SWAP70: variants seen among roughly 807,000 people sequenced by gnomAD.
SWAP70 encodes the protein switching B cell complex subunit SWAP70, also known as switch-associated protein 70.
In SWAP70, 34 loss-of-function variants were observed where a neutral mutation model predicts 80.2. That is an observed-to-expected ratio of 0.42 (90% CI 0.32 to 0.56). The LOEUF (loss-of-function observed/expected upper bound fraction) is 0.56, where lower values mean the gene tolerates loss of function less well. Among genes scored for constraint, SWAP70 ranks in the 20% least tolerant of loss-of-function variants. SWAP70 has a pLI of 0.09. For missense variants in SWAP70, 578 were observed against 690.7 expected (o/e 0.84, Z 1.83); for synonymous variants, 239 against 238.5 (o/e 1.00, Z -0.02).
At chr11:9,682,619 A>G (rs1850581396) in intron 1 of SWAP70, among the ~76,000 whole-genome samples, 1 of 152,214 alleles carries the variant, frequency 6.6e-6, no homozygotes, top group African/African-American at 2.4e-5. Flanking sequence ...ATAAAATATA[A>G]AATTTGAAAA....
intron 7 of SWAP70, among the ~76,000 whole-genome samples, chr11:9,735,996 T>C (rs1361303188): frequency 2.0e-5 from 3 of 152,220 alleles, no homozygotes; most frequent in African/African-American, 7.2e-5. Context: ...TATGCAAATG[T>C]TGGTGCACAT....
chr11:9,687,901 G>T (rs1850651538), intron 1 of SWAP70, among the ~76,000 whole-genome samples: 1 of 152,150 alleles, frequency 6.6e-6, no homozygotes, highest in African/African-American at 2.4e-5. Flanking sequence ...ATGGGGCAGG[G>T]TGGTAATCCA....
intron 1 of SWAP70, among the ~76,000 whole-genome samples, chr11:9,669,363 G>T (rs190434357): frequency 6.6e-6 from 1 of 152,098 alleles, no homozygotes; most frequent in Admixed American, 6.6e-5. Context: ...CCAAGTAGCT[G>T]GGACTACAGA....
At chr11:9,695,940 G>A (rs1489563032) in intron 2 of SWAP70, among the ~76,000 whole-genome samples, 1 of 151,976 alleles carries the variant, frequency 6.6e-6, no homozygotes, top group African/African-American at 2.4e-5. Flanking sequence ...GACTGCAGAC[G>A]TACACCACCA....
At chr11:9,688,503 A>G (rs1368264865) in intron 1 of SWAP70, among the ~76,000 whole-genome samples, 2 of 152,148 alleles carry the variant, frequency 1.3e-5, no homozygotes, top group African/African-American at 4.8e-5. Context: ...TAGTAAGCTT[A>G]TTTGGCTGGA....
intron 2 of SWAP70, among the ~76,000 whole-genome samples, chr11:9,705,689 G>C (rs1850899409): frequency 7.3e-6 from 1 of 136,528 alleles, no homozygotes; most frequent in Admixed American, 7.1e-5. Flanking sequence ...TTGGTGATCT[G>C]TATGCACTGG....
intron 3 of SWAP70, among the ~76,000 whole-genome samples, chr11:9,717,984 A>G (rs1244290551): frequency 6.6e-6 from 1 of 152,168 alleles, no homozygotes; most frequent in East Asian, 1.9e-4. Context: ...TGCCTAAGAA[A>G]CTCAAAAGAT....
chr11:9,708,000 C>T (rs12272046), intron 2 of SWAP70, among the ~76,000 whole-genome samples: 50,210 of 151,798 alleles, frequency 0.33, 8,515 homozygotes, highest in Non-Finnish European at 0.36. Context: ...GAAGTGTACC[C>T]TGCACCCAAT....
intron 4 of SWAP70, among the ~76,000 whole-genome samples, chr11:9,725,403 G>T (rs1313453498): frequency 4.1e-5 from 6 of 147,854 alleles, no homozygotes; most frequent in African/African-American, 1.2e-4. Context: ...ATATATTTTG[G>T]CTGGACGTGG....
At chr11:9,696,861 G>A (rs1850764593) in intron 2 of SWAP70, among the ~76,000 whole-genome samples, 1 of 151,942 alleles carries the variant, frequency 6.6e-6, no homozygotes, top group African/African-American at 2.4e-5. Context: ...TCCATAACAA[G>A]TATATTTCAA....
At chr11:9,682,695 G>A (rs1850582268) in intron 1 of SWAP70, among the ~76,000 whole-genome samples, 1 of 148,932 alleles carries the variant, frequency 6.7e-6, no homozygotes, top group Non-Finnish European at 1.5e-5. Context: ...ATTTTTTTTT[G>A]AGACAGGGTC....
intron 1 of SWAP70, among the ~76,000 whole-genome samples, chr11:9,667,601 C>T (rs935820352): frequency 1.3e-5 from 2 of 151,824 alleles, no homozygotes; most frequent in South Asian, 2.1e-4. Flanking sequence ...GTCTTTTTGT[C>T]GCCCAGGCTG....
chr11:9,695,226 A>G (rs1349305809), intron 2 of SWAP70, among the ~76,000 whole-genome samples: 10 of 152,050 alleles, frequency 6.6e-5, no homozygotes, highest in African/African-American at 2.2e-4. Flanking sequence ...CCCGGGAGGT[A>G]GAGCTTGCAG....
chr11:9,668,560 AT>A (rs1448103240), intron 1 of SWAP70, among the ~76,000 whole-genome samples: 1 of 152,140 alleles, frequency 6.6e-6, no homozygotes, highest in Non-Finnish European at 1.5e-5. Flanking sequence ...TTTTGCCTTA[AT>A]TTGTTGATTG....
intron 9 of SWAP70, chr11:9,740,723 C>T (rs975579426): frequency 3.4e-5 from 9 of 264,878 alleles, no homozygotes; most frequent in African/African-American, 8.9e-5. Flanking sequence ...CAGGCAGAGG[C>T]CTGTTCAGGC....
chr11:9,703,403 A>G, intron 2 of SWAP70: 1 of 456,236 alleles, frequency 2.2e-6, no homozygotes, highest in Non-Finnish European at 4.4e-6. Flanking sequence ...CAGATTACCA[A>G]GACCCTTCCT....
chr11:9,697,472 A>C (rs1450755992), intron 2 of SWAP70, among the ~76,000 whole-genome samples: 1 of 152,088 alleles, frequency 6.6e-6, no homozygotes, highest in Non-Finnish European at 1.5e-5. Context: ...TAGTAGAGAC[A>C]GGGTTTCACC....
At chr11:9,678,126 A>G (rs1385493093) in intron 1 of SWAP70, among the ~76,000 whole-genome samples, 1 of 152,214 alleles carries the variant, frequency 6.6e-6, no homozygotes, top group African/African-American at 2.4e-5. Context: ...CTTGGCATGT[A>G]TAGTATTCCC....
chr11:9,725,788 T>A lies in SWAP70; in HGVS notation c.642+903T>A, dbSNP rs199976158. Among the ~76,000 whole-genome samples the A allele has an allele frequency of 5.3e-5, 8 of 152,028 alleles. No homozygotes were observed. In the East Asian group the frequency reaches 1.6e-3, roughly 30 times the overall value. ...GATTTCACCAGGTTGGCCAGGACGG[T>A]CTCGATCTTTTGACCTTGTGATCCA... On this transcript the variant is annotated intron_variant, in intron 4 of 11. Transcript: ENST00000318950.
Sources: allele counts gnomAD v4.1 joint callset (sites outside exome capture counted in the v4.1 genomes callset), GRCh38; gene constraint gnomAD v4.1.1; transcripts MANE v1.5; gene names NCBI Gene and HGNC (gene_info 2026-07-23, HGNC 2026-07-21).